DCHS2: variants seen among roughly 807,000 people sequenced by gnomAD.
DCHS2 encodes the protein protocadherin-23.
A neutral mutation model predicts 182.4 loss-of-function variants in DCHS2; 142 were observed. The observed-to-expected ratio is 0.78, with a 90% CI of 0.68 to 0.89. The LOEUF is 0.89. DCHS2 is among the 40% of genes least tolerant of loss of function. The probability of loss-of-function intolerance (pLI) is 0.00; values close to 1 mark genes in which losing one functional copy is unlikely to be tolerated. For synonymous variants in DCHS2, 1,740 were observed against 1,663.3 expected, an observed-to-expected ratio of 1.05 and a Z score of -1.12; for missense variants, 4,319 against 4,198.6, an observed-to-expected ratio of 1.03 and a Z score of -0.79.
chr4:154,266,184 C>T (rs1560996401), intron 14 of DCHS2, among the ~76,000 whole-genome samples: 1 of 152,154 alleles, frequency 6.6e-6, no homozygotes, highest in African/African-American at 2.4e-5. Flanking sequence ...TAGGCTACTA[C>T]TGAATGTCTG....
intron 3 of DCHS2, chr4:154,352,380 A>C (rs1482799935): frequency 6.6e-6 from 1 of 152,130 alleles, no homozygotes; most frequent in East Asian, 1.9e-4. Flanking sequence ...CTCTAATCGC[A>C]GAAGGTGTTG....
chr4:154,365,910 A>G (rs1185803972), intron 3 of DCHS2, among the ~76,000 whole-genome samples: 1 of 151,788 alleles, frequency 6.6e-6, no homozygotes, highest in Non-Finnish European at 1.5e-5. Flanking sequence ...GGCCCCCCAA[A>G]GTGCTGGGAT....
At chr4:154,445,068 A>G (rs1375011740) in intron 1 of DCHS2, among the ~76,000 whole-genome samples, 2 of 152,148 alleles carry the variant, frequency 1.3e-5, no homozygotes, top group Non-Finnish European at 2.9e-5. Flanking sequence ...CTGAAAGAGC[A>G]ATGGCTGTCA....
At chr4:154,435,594 T>G (rs1029817391) in intron 1 of DCHS2, among the ~76,000 whole-genome samples, 14 of 124,498 alleles carry the variant, frequency 1.1e-4, no homozygotes, top group African/African-American at 3.7e-4. Context: ...AGACTCCATC[T>G]CAAAAAAAAA....
intron 1 of DCHS2, among the ~76,000 whole-genome samples, chr4:154,424,996 C>T (rs905879635): frequency 5.9e-5 from 9 of 152,162 alleles, no homozygotes; most frequent in African/African-American, 1.7e-4. Context: ...CTTTTCCAAG[C>T]AAGAGAGAAG....
Position 154,234,497 on chromosome 4 carries a change from A to C in DCHS2, c.*39T>G, listed in dbSNP as rs766465123. On this transcript the variant is annotated 3_prime_UTR_variant, in exon 20 of 20. Transcript: ENST00000357232. ...TTGAAAACATTTTGTTCATTCATTCATGACCAATGGTGAGCAGGTACTTGG... is the reference window on the plus strand; with the variant it reads ...TTGAAAACATTTTGTTCATTCATTCCTGACCAATGGTGAGCAGGTACTTGG... 3 of 1,531,072 alleles carry C rather than the reference A, an allele frequency of 2.0e-6. No individual in the cohort carries two copies. The highest frequency in any genetic ancestry group is 2.6e-6 in the Non-Finnish European group (3 of 1,139,328). 94.8% of individuals were successfully genotyped at this position (1,531,072 alleles called of 1,614,324 possible).
chr4:154,271,506 T>C (rs940934254), intron 13 of DCHS2, among the ~76,000 whole-genome samples: 1 of 152,162 alleles, frequency 6.6e-6, no homozygotes, highest in Non-Finnish European at 1.5e-5. Flanking sequence ...AGGGGACTGA[T>C]ATACTAAGAG....
intron 10 of DCHS2, 25 bp downstream of exon 10, chr4:154,315,723 C>A (rs772498055): frequency 2.5e-6 from 4 of 1,605,102 alleles, no homozygotes; most frequent in Admixed American, 1.7e-5. Flanking sequence ...GCATTAAATA[C>A]CCAGTTTCTG....
Position 154,485,054 on chromosome 4 carries a change from C to T in DCHS2, c.2052+4250G>A, listed in dbSNP as rs187440412. 5.2e-3 allele frequency among the ~76,000 whole-genome samples: 796 copies of T among 152,234 alleles called. 10 individuals carry two copies. The highest frequency in any genetic ancestry group is 0.019 in the African/African-American group (774 of 41,548). Reference sequence around the variant, plus strand: ...TAAAGCTCTACAAACCACTTTCTACCTCAACATACCAGTTATCTCCAATCC... The same window carrying T: ...TAAAGCTCTACAAACCACTTTCTACTTCAACATACCAGTTATCTCCAATCC... On this transcript the variant is annotated intron_variant, in intron 1 of 19. Transcript: ENST00000357232.
intron 16 of DCHS2, among the ~76,000 whole-genome samples, chr4:154,245,885 A>T (rs1732046756): frequency 6.6e-6 from 1 of 152,164 alleles, no homozygotes; most frequent in Admixed American, 6.5e-5. Context: ...ATCCCACTGA[A>T]AACTGTAAAT....
intron 7 of DCHS2, 112 bp from the exon 8 acceptor site, chr4:154,322,600 T>G (rs1462204067): frequency 1.5e-6 from 2 of 1,334,270 alleles, no homozygotes; most frequent in Non-Finnish European, 9.8e-7. Context: ...TTGAATTCTA[T>G]GAGAGTATGA....
In DCHS2 at chr4:154,325,398, A is replaced by G. The variant is rs1736241373; in HGVS notation, c.4018+2695T>C. On this transcript the variant is annotated intron_variant, in intron 7 of 19. Coordinates refer to ENST00000357232, the MANE Select transcript of DCHS2 (RefSeq NM_001358235.2). ...CACAATCATTGTCCTTCACAGGTAC[A>G]CTATGTTGTCTTCTCCACCCCAAAA... is the stretch of plus-strand genomic sequence containing the variant. Among the ~76,000 whole-genome samples the G allele has an allele frequency of 4.0e-5, 6 of 151,038 alleles. No individual in the cohort carries two copies. In the South Asian group the frequency reaches 1.3e-3, roughly 32 times the overall value.
At chr4:154,394,537 C>A (rs1449335196) in intron 1 of DCHS2, among the ~76,000 whole-genome samples, 1 of 152,136 alleles carries the variant, frequency 6.6e-6, no homozygotes, top group East Asian at 1.9e-4. Flanking sequence ...CATTTATTAT[C>A]CCTCTTTGTC....
At chr4:154,349,853 A>C (rs1193549493) in intron 3 of DCHS2, among the ~76,000 whole-genome samples, 1 of 152,238 alleles carries the variant, frequency 6.6e-6, no homozygotes, top group Non-Finnish European at 1.5e-5. Context: ...TTTTAGAAAA[A>C]TAAAAGTTAG....
intron 1 of DCHS2, among the ~76,000 whole-genome samples, chr4:154,413,415 TTAAA>T (rs1334743719): frequency 6.6e-6 from 1 of 152,198 alleles, no homozygotes; most frequent in Non-Finnish European, 1.5e-5. Context: ...TTTGATCACC[TTAAA>T]TAAACTGTCA....
Position 154,236,880 on chromosome 4 carries a change from C to A in DCHS2, c.7772G>T (p.Ser2591Ile). Residue 2591 changes from serine (S) to isoleucine (I), a missense_variant, in exon 20 of 20, where the codon AGT becomes ATT. Coordinates refer to ENST00000357232, the MANE Select transcript of DCHS2 (RefSeq NM_001358235.2). ...ATGAAAATTGTTCTGTGAATTACCACTGATGATGGAATATTCAACATATGT... is the reference window on the plus strand; with the variant it reads ...ATGAAAATTGTTCTGTGAATTACCAATGATGATGGAATATTCAACATATGT... ...ENTYVEYSII[S>I]GNSQNNFHVE... 6.2e-7 allele frequency: 1 copy of A among 1,614,072 alleles called. No individual in the cohort carries two copies.
intron 1 of DCHS2, among the ~76,000 whole-genome samples, chr4:154,418,807 T>C (rs1479201320): frequency 2.0e-5 from 3 of 152,198 alleles, no homozygotes; most frequent in African/African-American, 4.8e-5. Flanking sequence ...CACAATGAGA[T>C]AGATATTTGC....
rs558655268 is a variant in DCHS2, at chr4:154,379,556, A to G, written c.2053-2112T>C. 1.2e-3 allele frequency among the ~76,000 whole-genome samples: 176 copies of G among 152,324 alleles called. 3 individuals carry two copies. In the South Asian group the frequency reaches 0.036, roughly 31 times the overall value. The stretch of plus-strand genomic sequence containing the variant: ...AATGGCTACCCAGTGCCACTCTACT[A>G]TAGATTTAGTTTTGGAAAGTAATTC... On this transcript the variant is annotated intron_variant, in intron 1 of 19. Transcript: ENST00000357232.
chr4:154,385,096 C>T (rs1415005597), intron 1 of DCHS2, among the ~76,000 whole-genome samples: 1 of 131,056 alleles, frequency 7.6e-6, no homozygotes, highest in Non-Finnish European at 1.6e-5. Context: ...CACAACAGGC[C>T]CCAGTGTGTG....
Sources: allele counts gnomAD v4.1 joint callset (sites outside exome capture counted in the v4.1 genomes callset), GRCh38; gene constraint gnomAD v4.1.1; transcripts MANE v1.5; gene names NCBI Gene and HGNC (gene_info 2026-07-23, HGNC 2026-07-21).